The following CFDP1 variants were observed in gnomAD, a reference collection of about 807,000 sequenced individuals.
The protein encoded by CFDP1 is heterochromatin-stabilizing protein CFDP1.
Under a neutral mutation model 40.1 loss-of-function variants are expected in CFDP1, and 31 were observed. That is an observed-to-expected ratio of 0.77 (90% CI 0.58 to 1.04). CFDP1 has a LOEUF of 1.04. CFDP1 is among the 50% of genes least tolerant of loss of function. CFDP1 has a pLI of 0.00. For synonymous variants in CFDP1, 167 were observed against 120.0 expected, an observed-to-expected ratio of 1.39 and a Z score of -2.56; for missense variants, 423 against 343.4, an observed-to-expected ratio of 1.23 and a Z score of -1.83.
chr16:75,423,200 G>A (rs2079299210), intron 1 of CFDP1, among the ~76,000 whole-genome samples: 1 of 149,658 alleles, frequency 6.7e-6, no homozygotes, highest in Non-Finnish European at 1.5e-5. Flanking sequence ...AGAATGGCGT[G>A]AACCCGGGAG....
chr16:75,432,047 G>A lies in CFDP1; in HGVS notation c.64+1242C>T, dbSNP rs544401823. On this transcript the variant is annotated intron_variant, in intron 1 of 6. Transcript: ENST00000283882. The stretch of plus-strand genomic sequence containing the variant: ...CTGCTCCAGCCTCCTGAGGAGCTGG[G>A]ACTACAGGCGCGTGCCACCATGCCC... Among the ~76,000 whole-genome samples, 42 of 151,548 alleles carry A rather than the reference G, an allele frequency of 2.8e-4. 1 individual carries two copies. In the South Asian group the frequency reaches 8.4e-3, roughly 30 times the overall value.
At chr16:75,316,569 T>TAAA (rs780200659) in intron 5 of CFDP1, among the ~76,000 whole-genome samples, 3 of 26,570 alleles carry the variant, frequency 1.1e-4, no homozygotes, top group Admixed American at 4.2e-4. Flanking sequence ...AGACCCTGTC[T>TAAA]AAAAAAAAAA....
chr16:75,364,016 T>A (rs1254347674), intron 5 of CFDP1, among the ~76,000 whole-genome samples: 1 of 148,758 alleles, frequency 6.7e-6, no homozygotes, highest in African/African-American at 2.5e-5. Flanking sequence ...AGAAAAGAAT[T>A]AGGGGCTGTG....
At chr16:75,320,681 C>G (rs918355776) in intron 5 of CFDP1, among the ~76,000 whole-genome samples, 1 of 152,186 alleles carries the variant, frequency 6.6e-6, no homozygotes, top group African/African-American at 2.4e-5. Flanking sequence ...CCGTGAGGCT[C>G]AGCTGGTGAC....
rs1226916006 is a variant in CFDP1 at position 75,323,829 on chromosome 16, T to C, written c.651-18647A>G. On this transcript the variant is annotated intron_variant, in intron 5 of 6. Transcript: ENST00000283882. ...TACATACATAAAACAGTAACATAGC[T>C]GTTTATTCTCTTTTATATGACTGGC... Among the ~76,000 whole-genome samples, 8 of 151,934 alleles carry C rather than the reference T, an allele frequency of 5.3e-5. No homozygotes were observed. The East Asian group carries it at 1.5e-3, about 29-fold the overall frequency.
At chr16:75,315,270 T>A (rs1435462076) in intron 5 of CFDP1, among the ~76,000 whole-genome samples, 1 of 128,076 alleles carries the variant, frequency 7.8e-6, no homozygotes, top group Non-Finnish European at 1.6e-5. Flanking sequence ...AGGCGGAGGT[T>A]GCCGTGAGCA....
chr16:75,396,992 C>A (rs1373663369), intron 4 of CFDP1, among the ~76,000 whole-genome samples: 6 of 152,066 alleles, frequency 3.9e-5, no homozygotes, highest in Admixed American at 1.3e-4. Flanking sequence ...CGGCTCACTG[C>A]AACCTCTGCC....
At chr16:75,299,282 G>A (rs1191754765) in intron 6 of CFDP1, among the ~76,000 whole-genome samples, 1 of 152,082 alleles carries the variant, frequency 6.6e-6, no homozygotes. Context: ...CTTCTTTTCT[G>A]GGTGATTAAT....
chr16:75,351,487 T>G (rs1288503726), intron 5 of CFDP1, among the ~76,000 whole-genome samples: 1 of 151,810 alleles, frequency 6.6e-6, no homozygotes, highest in Non-Finnish European at 1.5e-5. Context: ...ACTATCAAAA[T>G]AACTAACTAA....
In CFDP1 at chr16:75,395,203, A is replaced by G; in HGVS notation, c.537T>C (p.Thr179=). ...FDFAGEEVRV[T]KEVDATSKEA... ...CTTTAGATGTAGCATCCACTTCCTT[A>G]GTTACCCTGTGCCAAGGAAAAAGAC... The change falls in exon 5 of 7, where the codon ACT becomes ACC. Residue 179 remains threonine, a synonymous_variant. Coordinates refer to ENST00000283882, the MANE Select transcript of CFDP1 (RefSeq NM_006324.3). The G allele has an allele frequency of 6.2e-7, 1 of 1,613,348 alleles. No individual in the cohort carries two copies. The highest frequency in any genetic ancestry group is 8.5e-7 in the Non-Finnish European group (1 of 1,179,536).
Position 75,293,936 on chromosome 16 carries a change from G to A in CFDP1, c.*16C>T. 1 of 1,607,174 alleles carries A rather than the reference G, an allele frequency of 6.2e-7. No homozygotes were observed. The highest frequency in any genetic ancestry group is 8.5e-7 in the Non-Finnish European group (1 of 1,174,050). ...TTGTAAACAGGATTAAGCTGCTCTT[G>A]ATTTAGCCCGTAACATCAAGGTTTC... On this transcript the variant is annotated 3_prime_UTR_variant, in exon 7 of 7. Coordinates refer to ENST00000283882, the MANE Select transcript of CFDP1 (RefSeq NM_006324.3).
intron 5 of CFDP1, among the ~76,000 whole-genome samples, chr16:75,307,143 T>C (rs1174911087): frequency 6.6e-6 from 1 of 152,212 alleles, no homozygotes; most frequent in East Asian, 1.9e-4. Context: ...GTAATTAGAC[T>C]GAATTTTCCA....
intron 4 of CFDP1, among the ~76,000 whole-genome samples, chr16:75,402,546 G>C (rs1395742989): frequency 6.6e-6 from 1 of 152,172 alleles, no homozygotes; most frequent in African/African-American, 2.4e-5. Flanking sequence ...AATACAGTTA[G>C]AAAACTGAAG....
intron 5 of CFDP1, among the ~76,000 whole-genome samples, chr16:75,330,614 G>T (rs184145821): frequency 6.6e-6 from 1 of 152,032 alleles, no homozygotes; most frequent in South Asian, 2.1e-4. Context: ...AACAAATGAT[G>T]AAAGTTTGGC....
intron 5 of CFDP1, among the ~76,000 whole-genome samples, chr16:75,369,988 G>T (rs1021885697): frequency 4.6e-5 from 7 of 152,072 alleles, no homozygotes; most frequent in African/African-American, 1.7e-4. Flanking sequence ...CGTCCAGGCT[G>T]GTCTCAAACT....
intron 1 of CFDP1, among the ~76,000 whole-genome samples, chr16:75,416,463 T>TA (rs2079206568): frequency 5.6e-5 from 6 of 107,774 alleles, no homozygotes; most frequent in African/African-American, 1.8e-4. Context: ...TAAAAGAGAT[T>TA]TAAAAAAAAA....
At chr16:75,364,152 CAAA>C (rs199990871) in intron 5 of CFDP1, among the ~76,000 whole-genome samples, 2,827 of 109,180 alleles carry the variant, frequency 0.026, 61 homozygotes, top group African/African-American at 0.059. Context: ...AACAAACAAA[CAAA>C]AAAAACTATT....
At chr16:75,296,388 C>T (rs1202298888) in intron 6 of CFDP1, among the ~76,000 whole-genome samples, 1 of 152,124 alleles carries the variant, frequency 6.6e-6, no homozygotes, top group Non-Finnish European at 1.5e-5. Flanking sequence ...CAGGCACACA[C>T]CACCACACCT....
At chr16:75,426,504 C>T (rs247425) in intron 1 of CFDP1, among the ~76,000 whole-genome samples, 27,065 of 151,788 alleles carry the variant, frequency 0.18, 2,593 homozygotes, top group East Asian at 0.39. Flanking sequence ...TGGATTTTAT[C>T]CAAGTTTAAA....
Sources: allele counts gnomAD v4.1 joint callset (sites outside exome capture counted in the v4.1 genomes callset), GRCh38; gene constraint gnomAD v4.1.1; transcripts MANE v1.5; gene names NCBI Gene and HGNC (gene_info 2026-07-23, HGNC 2026-07-21).